CSMD3: variants seen among roughly 807,000 people sequenced by gnomAD.
CSMD3 encodes the protein CUB and sushi domain-containing protein 3.
Under a neutral mutation model 435.2 loss-of-function variants are expected in CSMD3, and 177 were observed. The observed-to-expected ratio is 0.41, with a 90% confidence interval of 0.36 to 0.46. The LOEUF (loss-of-function observed/expected upper bound fraction) is 0.46, where lower values mean the gene tolerates loss of function less well. Ranked by LOEUF, CSMD3 falls within the 20% of genes least tolerant of loss-of-function variation. The pLI is 0.34. For missense variants in CSMD3, 4,265 were observed against 4,504.6 expected, an observed-to-expected ratio of 0.95 and a Z score of 1.52; for synonymous variants, 1,656 against 1,520.5, an observed-to-expected ratio of 1.09 and a Z score of -2.07.
intron 5 of CSMD3, among the ~76,000 whole-genome samples, chr8:113,062,270 G>T (rs2088650205): frequency 6.6e-6 from 1 of 151,760 alleles, no homozygotes; most frequent in Non-Finnish European, 1.5e-5. Context: ...ATCCCAATAA[G>T]CCTAAGAAGT....
intron 45 of CSMD3, among the ~76,000 whole-genome samples, chr8:112,328,509 T>TCTTGGCC: frequency 1.3e-5 from 2 of 152,158 alleles, no homozygotes. Flanking sequence ...GGGAGAATAT[T>TCTTGGCC]AGAAATCAAG....
At chr8:112,391,222 T>C (rs748120629) in intron 35 of CSMD3, among the ~76,000 whole-genome samples, 1 of 152,186 alleles carries the variant, frequency 6.6e-6, no homozygotes, top group Non-Finnish European at 1.5e-5. Context: ...AACAATTATA[T>C]TATGATCATA....
At chr8:112,773,336 G>A (rs2078168251) in intron 13 of CSMD3, among the ~76,000 whole-genome samples, 1 of 151,930 alleles carries the variant, frequency 6.6e-6, no homozygotes, top group Non-Finnish European at 1.5e-5. Context: ...CAATAAAGAA[G>A]TCTCCAGTCT....
intron 22 of CSMD3, among the ~76,000 whole-genome samples, chr8:112,600,666 A>T (rs1832257370): frequency 6.6e-6 from 1 of 151,990 alleles, no homozygotes; most frequent in Non-Finnish European, 1.5e-5. Context: ...TATTTCTTAT[A>T]TCTCATGATT....
intron 2 of CSMD3, among the ~76,000 whole-genome samples, chr8:113,291,286 C>T (rs2093684680): frequency 6.6e-6 from 1 of 151,682 alleles, no homozygotes; most frequent in Admixed American, 6.6e-5. Context: ...CATTATCTGT[C>T]AGCTAATATT....
At chr8:112,347,538 C>G (rs1016510620) in intron 40 of CSMD3, among the ~76,000 whole-genome samples, 3 of 152,122 alleles carry the variant, frequency 2.0e-5, no homozygotes, top group African/African-American at 7.2e-5. Flanking sequence ...GCTATGTGAA[C>G]TAAATAAATT....
chr8:113,006,191 C>G (rs2086048452), intron 6 of CSMD3, among the ~76,000 whole-genome samples: 1 of 152,066 alleles, frequency 6.6e-6, no homozygotes, highest in Non-Finnish European at 1.5e-5. Flanking sequence ...GAGGCTATTT[C>G]AGTTTGTGCA....
chr8:112,570,553 T>C (rs1417376163), intron 24 of CSMD3, among the ~76,000 whole-genome samples: 1 of 152,108 alleles, frequency 6.6e-6, no homozygotes, highest in Non-Finnish European at 1.5e-5. Context: ...TGGGCACAGG[T>C]GCTATGGTTG....
chr8:112,652,612 G>T (rs1299794273), intron 18 of CSMD3, among the ~76,000 whole-genome samples: 3 of 152,116 alleles, frequency 2.0e-5, no homozygotes. Context: ...CCACTGTGGT[G>T]CATTGATCTA....
intron 1 of CSMD3, among the ~76,000 whole-genome samples, chr8:113,387,084 A>G (rs984270633): frequency 6.6e-6 from 1 of 151,806 alleles, no homozygotes. Flanking sequence ...GTTGCCTCTT[A>G]AAAAAGATTA....
intron 4 of CSMD3, among the ~76,000 whole-genome samples, chr8:113,139,373 A>C (rs2091493591): frequency 1.3e-5 from 2 of 151,106 alleles, no homozygotes; most frequent in Admixed American, 1.3e-4. Flanking sequence ...ATATGTACAG[A>C]AGAAATTTAT....
chr8:112,276,082 G>T (rs1401514890), intron 59 of CSMD3, among the ~76,000 whole-genome samples: 1 of 152,166 alleles, frequency 6.6e-6, no homozygotes, highest in African/African-American at 2.4e-5. Context: ...ACAGGCATTG[G>T]ATAATAGCTG....
At chr8:112,439,940 C>A (rs1814810312) in intron 32 of CSMD3, among the ~76,000 whole-genome samples, 1 of 151,986 alleles carries the variant, frequency 6.6e-6, no homozygotes, top group African/African-American at 2.4e-5. Context: ...AAAGCCAGAC[C>A]ATATCATTCA....
chr8:113,153,016 G>T (rs1040636304), intron 4 of CSMD3, among the ~76,000 whole-genome samples: 4 of 100,446 alleles, frequency 4.0e-5, no homozygotes, highest in Admixed American at 1.9e-4. Context: ...AAAAGGAAAA[G>T]AAAAGAAAAG....
chr8:112,753,310 A>G (rs965831504), intron 13 of CSMD3, among the ~76,000 whole-genome samples: 1 of 152,170 alleles, frequency 6.6e-6, no homozygotes, highest in South Asian at 2.1e-4. Flanking sequence ...TTTCTTGTTC[A>G]ATTTTTATTT....
chr8:113,154,698 G>A (rs1481852014), intron 4 of CSMD3, among the ~76,000 whole-genome samples: 1 of 152,012 alleles, frequency 6.6e-6, no homozygotes, highest in Non-Finnish European at 1.5e-5. Flanking sequence ...TAAAAGAATG[G>A]AATGCTGAAA....
rs1178840100 is a variant in CSMD3 at position 112,310,986 on chromosome 8, G to T, written c.7877C>A (p.Ala2626Asp). 1.2e-6 allele frequency: 2 copies of T among 1,613,348 alleles called. No individual in the cohort carries two copies. The highest frequency in any genetic ancestry group is 2.7e-5 in the African/African-American group (2 of 74,866). The change falls in exon 50 of 71, where the codon GCC becomes GAC. Residue 2626 changes from alanine (A) to aspartate (D), a missense_variant. Physicochemically the swap from Ala to Asp is moderately radical, Grantham distance 126. Coordinates refer to ENST00000297405, the MANE Select transcript of CSMD3 (RefSeq NM_198123.2). ...GGCATAATATACTTCACCTTGACAGGCAGGGACTGGCGCATCCCATGCATG... is the reference window on the plus strand; with the variant it reads ...GGCATAATATACTTCACCTTGACAGTCAGGGACTGGCGCATCCCATGCATG... ...GYHAWDAPVP[A>D]CQAISCGIPK...
intron 7 of CSMD3, among the ~76,000 whole-genome samples, chr8:112,956,327 A>G (rs1469495332): frequency 6.6e-6 from 1 of 152,028 alleles, no homozygotes; most frequent in Non-Finnish European, 1.5e-5. Flanking sequence ...CCCCGATGGT[A>G]ACCTAAAGTT....
At chr8:113,409,379 G>A (rs551892125) in intron 1 of CSMD3, among the ~76,000 whole-genome samples, 74 of 151,914 alleles carry the variant, frequency 4.9e-4, no homozygotes, top group Middle Eastern at 3.4e-3. Context: ...CACCGCGCCC[G>A]GCCAATAAGA....
Sources: gnomAD v4.1 joint callset for allele counts (sites outside exome capture counted in the v4.1 genomes callset) on GRCh38, gnomAD v4.1.1 for gene constraint, MANE v1.5 for transcripts, NCBI Gene and HGNC (gene_info 2026-07-23, HGNC 2026-07-21) for gene names.